Variants in DCAF1 observed in about 807,000 individuals in gnomAD.
The protein encoded by DCAF1 is DDB1 and CUL4 associated factor 1, also known as DDB1- and CUL4-associated factor 1.
Under a neutral mutation model 128.0 loss-of-function variants are expected in DCAF1, and 15 were observed. That is an observed-to-expected ratio of 0.12 (90% CI 0.08 to 0.18). The LOEUF is 0.18. DCAF1 is among the 10% of genes least tolerant of loss of function. DCAF1 has a pLI of 1.00. For missense variants in DCAF1, 988 were observed against 1,649.5 expected, an observed-to-expected ratio of 0.60 and a Z score of 6.95; for synonymous variants, 610 against 603.0, an observed-to-expected ratio of 1.01 and a Z score of -0.17.
chr3:51,487,261 T>C (rs1255269374), intron 2 of DCAF1, among the ~76,000 whole-genome samples: 2 of 152,210 alleles, frequency 1.3e-5, no homozygotes, highest in Admixed American at 1.3e-4. Flanking sequence ...TGAGCCACTG[T>C]GCCCAGCCAA....
At chr3:51,434,892 T>C (rs1700679789) in intron 9 of DCAF1, among the ~76,000 whole-genome samples, 1 of 152,136 alleles carries the variant, frequency 6.6e-6, no homozygotes, top group Admixed American at 6.5e-5. Flanking sequence ...TAGGCCAACA[T>C]AGACAGGGCC....
In DCAF1 at chr3:51,437,642, G is replaced by A. The variant is rs563235645; in HGVS notation, c.1128+3328C>T. ...TAGCTTGGGCATTATAATGAAACCC[G>A]GTCTCTACCAAAAATACAAAAAATT... On this transcript the variant is annotated intron_variant, in intron 9 of 24. Coordinates refer to ENST00000684031, the MANE Select transcript of DCAF1 (RefSeq NM_001387579.1). Among the ~76,000 whole-genome samples the A allele has an allele frequency of 3.9e-5, 6 of 151,930 alleles. No individual in the cohort carries two copies. The South Asian group carries it at 6.2e-4, about 16-fold the overall frequency.
intron 7 of DCAF1, among the ~76,000 whole-genome samples, 154 bp downstream of exon 7, chr3:51,443,605 TATTTTCA>T (rs1701572671): frequency 6.6e-6 from 1 of 151,644 alleles, no homozygotes; most frequent in South Asian, 2.1e-4. Context: ...AAAAAAAAGC[TATTTTCA>T]ATTTTTAAAA....
chr3:51,414,475 T>G, intron 19 of DCAF1, 149 bp downstream of exon 19: 3 of 1,196,214 alleles, frequency 2.5e-6, no homozygotes, highest in South Asian at 3.3e-5. Flanking sequence ...GCTTTGGAGA[T>G]TTCACTAACA....
At chr3:51,416,229 C>T (rs960266697) in intron 18 of DCAF1, among the ~76,000 whole-genome samples, 1 of 152,176 alleles carries the variant, frequency 6.6e-6, no homozygotes, top group Admixed American at 6.5e-5. Context: ...AGGCCCCTCA[C>T]TGACCTCAGC....
intron 6 of DCAF1, among the ~76,000 whole-genome samples, chr3:51,457,915 A>G (rs576056994): frequency 6.6e-6 from 1 of 152,358 alleles, no homozygotes; most frequent in South Asian, 2.1e-4. Context: ...TGAAGGAAGC[A>G]CTAAACATGG....
chr3:51,444,359 T>TA (rs1553639726), intron 6 of DCAF1, among the ~76,000 whole-genome samples: 4 of 150,834 alleles, frequency 2.7e-5, no homozygotes, highest in African/African-American at 9.8e-5. Context: ...AACCTTCTTT[T>TA]TAAAAAAAAA....
At chr3:51,437,272 A>G in intron 9 of DCAF1, 2 of 345,132 alleles carry the variant, frequency 5.8e-6, no homozygotes, top group African/African-American at 2.2e-5. Flanking sequence ...ATGTCAAAAA[A>G]AAAAAAAAAA....
At chr3:51,411,854 AC>A (rs1698447955) in intron 23 of DCAF1, among the ~76,000 whole-genome samples, 1 of 151,918 alleles carries the variant, frequency 6.6e-6, no homozygotes, top group Non-Finnish European at 1.5e-5. Context: ...TCATGCTTAT[AC>A]TCCACGCACT....
chr3:51,461,562 G>T (rs1267448689), intron 6 of DCAF1, among the ~76,000 whole-genome samples: 1 of 151,998 alleles, frequency 6.6e-6, no homozygotes, highest in Non-Finnish European at 1.5e-5. Context: ...CCATTACTGG[G>T]TATATACCCA....
intron 6 of DCAF1, among the ~76,000 whole-genome samples, chr3:51,461,416 G>T (rs1703549695): frequency 6.6e-6 from 1 of 152,186 alleles, no homozygotes; most frequent in Non-Finnish European, 1.5e-5. Flanking sequence ...GAAGCAACAG[G>T]TGCTGGAGAG....
chr3:51,438,722 C>T (rs1553637790), intron 9 of DCAF1, among the ~76,000 whole-genome samples: 1 of 152,164 alleles, frequency 6.6e-6, no homozygotes, highest in Non-Finnish European at 1.5e-5. Context: ...AGCGATTATC[C>T]TGCCTCAGCC....
At chr3:51,460,050 T>C (rs1272786213) in intron 6 of DCAF1, among the ~76,000 whole-genome samples, 3 of 152,182 alleles carry the variant, frequency 2.0e-5, no homozygotes, top group African/African-American at 7.2e-5. Flanking sequence ...TTGGGAGTTC[T>C]GGCCAGGGCA....
chr3:51,396,685 CCCTTAGCA>C (rs1394358320), downstream of DCAF1: 2 of 167,116 alleles, frequency 1.2e-5, no homozygotes, highest in Non-Finnish European at 2.9e-5. Flanking sequence ...CCTCCTTAGC[CCCTTAGCA>C]CATGTTCCTA....
intron 3 of DCAF1, among the ~76,000 whole-genome samples, chr3:51,478,394 T>C (rs1705742438): frequency 6.6e-6 from 1 of 152,142 alleles, no homozygotes; most frequent in African/African-American, 2.4e-5. Flanking sequence ...GAGCATAGCA[T>C]AGTGAAAAAG....
At chr3:51,438,759 G>A (rs376676852) in intron 9 of DCAF1, among the ~76,000 whole-genome samples, 2 of 151,810 alleles carry the variant, frequency 1.3e-5, no homozygotes, top group East Asian at 1.9e-4. Flanking sequence ...TTATAGGCAT[G>A]TGCCACCACA....
At chr3:51,456,284 T>C (rs926605325) in intron 6 of DCAF1, among the ~76,000 whole-genome samples, 2 of 152,210 alleles carry the variant, frequency 1.3e-5, no homozygotes, top group Non-Finnish European at 2.9e-5. Context: ...CGGAGGGTCC[T>C]ACGCCCACAG....
rs1553628673 is a variant in DCAF1 at position 51,412,320 on chromosome 3, G to C, written c.4212+59C>G. On this transcript the variant is annotated intron_variant, in intron 23 of 24. Transcript: ENST00000684031. ...CCTTTAAAACCTCCTACAGCAAAAA[G>C]CAGAGCATAACCTCTATTAAGCACT... is the stretch of plus-strand genomic sequence containing the variant. The C allele has an allele frequency of 4.7e-5, 75 of 1,607,680 alleles. 1 individual carries two copies. The South Asian group carries it at 7.7e-4, about 17-fold the overall frequency.
At chr3:51,480,897 T>C (rs1241125152) in intron 3 of DCAF1, among the ~76,000 whole-genome samples, 1 of 152,284 alleles carries the variant, frequency 6.6e-6, no homozygotes, top group Non-Finnish European at 1.5e-5. Flanking sequence ...AAGCACATAC[T>C]ATGTCTTTTT....
Sources: allele counts gnomAD v4.1 joint callset (sites outside exome capture counted in the v4.1 genomes callset), GRCh38; gene constraint gnomAD v4.1.1; transcripts MANE v1.5; gene names NCBI Gene and HGNC (gene_info 2026-07-23, HGNC 2026-07-21).